The following THUMPD2 variants were observed in gnomAD, a reference collection of about 807,000 sequenced individuals.
THUMPD2 encodes the protein U6 snRNA (guanine-N(2))-methyltransferase THUMPD2.
Under a neutral mutation model 49.4 loss-of-function variants are expected in THUMPD2, and 56 were observed. The observed-to-expected ratio is 1.13, with a 90% confidence interval of 0.91 to 1.41. THUMPD2 has a LOEUF of 1.41. Among genes scored for constraint, THUMPD2 ranks in the 40% most tolerant of loss-of-function variants. THUMPD2 has a pLI of 0.00. For missense variants in THUMPD2, 709 were observed against 594.5 expected (o/e 1.19, Z -2.00); for synonymous variants, 237 against 205.2 (o/e 1.15, Z -1.32).
intron 8 of THUMPD2, among the ~76,000 whole-genome samples, chr2:39,747,782 T>A (rs1674807568): frequency 6.6e-6 from 1 of 152,200 alleles, no homozygotes. Context: ...GCCTTCCAGT[T>A]CACAGTCCCT....
intron 1 of THUMPD2, among the ~76,000 whole-genome samples, chr2:39,772,039 A>C (rs1017720139): frequency 6.6e-6 from 1 of 152,198 alleles, no homozygotes; most frequent in African/African-American, 2.4e-5. Flanking sequence ...AATCCAGAAG[A>C]AAACTAAAAA....
chr2:39,773,970 A>G lies in THUMPD2; in HGVS notation c.127-2330T>C, dbSNP rs971014672. 2.6e-5 allele frequency among the ~76,000 whole-genome samples: 4 copies of G among 152,350 alleles called. No individual in the cohort carries two copies. The East Asian group carries it at 5.8e-4, about 22-fold the overall frequency. ...ATGATATTGATAAGAAAAAATACCA[A>G]TTCCCAGCCAGGGCTACTGTCTGGG... On this transcript the variant is annotated intron_variant, in intron 1 of 9. Transcript: ENST00000505747.
chr2:39,756,272 C>T (rs1346889317), intron 6 of THUMPD2, among the ~76,000 whole-genome samples: 1 of 151,942 alleles, frequency 6.6e-6, no homozygotes, highest in Admixed American at 6.6e-5. Flanking sequence ...GACAATAAGG[C>T]AGAGTATGTG....
rs764626885 is a variant in THUMPD2, at chr2:39,755,308, T to C, written c.1065A>G (p.Lys355=). 7.1e-6 allele frequency: 11 copies of C among 1,544,402 alleles called. No individual in the cohort carries two copies. In the Admixed American group the frequency reaches 2.4e-4, roughly 34 times the overall value. Residue 355 remains lysine (K), a synonymous_variant, in exon 8 of 10, where the codon AAA becomes AAG. Transcript: ENST00000505747. The part of the protein sequence containing the change: ...AGLEDKIELL[K]ISVIELPLPS... ...TTAGTATCTTACCTATAACAGAGATTTTAAGTAATTCAATTTTATCCTCAA... is the reference window on the plus strand; with the variant it reads ...TTAGTATCTTACCTATAACAGAGATCTTAAGTAATTCAATTTTATCCTCAA...
chr2:39,745,961 G>C (rs1240465227), intron 8 of THUMPD2, among the ~76,000 whole-genome samples: 1 of 151,992 alleles, frequency 6.6e-6, no homozygotes, highest in African/African-American at 2.4e-5. Context: ...CTAACTGTGG[G>C]ACTTTGGGAA....
chr2:39,771,758 T>A, intron 1 of THUMPD2, 118 bp from the exon 2 acceptor site: 1 of 1,068,924 alleles, frequency 9.4e-7, no homozygotes, highest in Non-Finnish European at 1.3e-6. Context: ...AAGTATCTAC[T>A]ATTTGTCAGG....
Position 39,779,172 on chromosome 2 carries a change from C to G in THUMPD2, c.68G>C (p.Gly23Ala). The part of the protein sequence containing the change: ...EAGARFFCTA[G>A]RGLEPFVMRE... ...CATTACGAACGGCTCCAGGCCGCGACCCGCAGTGCAGAAGAATCGGGCGCC... is the reference window on the plus strand; with the variant it reads ...CATTACGAACGGCTCCAGGCCGCGAGCCGCAGTGCAGAAGAATCGGGCGCC... The change falls in exon 1 of 10, where the codon GGT becomes GCT. Residue 23 changes from glycine to alanine, a missense_variant. By Grantham distance (60) the Gly-to-Ala change is moderately conservative. Transcript: ENST00000505747. The G allele has an allele frequency of 2.0e-6, 3 of 1,520,996 alleles. No homozygotes were observed. In the South Asian group the frequency reaches 3.7e-5, roughly 19 times the overall value. 94.2% of individuals were successfully genotyped at this position (1,520,996 alleles called of 1,614,324 possible). A position where few individuals can be genotyped will look rare whatever the true frequency, so the allele number is the denominator to read the frequency against.
At chr2:39,779,263 C>T (rs1679552598), upstream of THUMPD2, 1 of 1,432,966 alleles carries the variant, frequency 7.0e-7, no homozygotes, top group Non-Finnish European at 9.1e-7. Flanking sequence ...CGCCCTCGCG[C>T]CTTCGGGTCA....
chr2:39,773,554 TAAAAATATATATATATTTATATTTTAA>T (rs1558542638), intron 1 of THUMPD2, among the ~76,000 whole-genome samples: 7 of 39,980 alleles, frequency 1.8e-4, no homozygotes, highest in African/African-American at 1.0e-3. Context: ...TATTTATATT[TAAAAATATATATATATTTATATTTTAA>T]AAATATATAT....
rs759729691 is a variant in THUMPD2, at chr2:39,764,599, T to C, written c.803+1458A>G. On this transcript the variant is annotated intron_variant, in intron 5 of 9. Transcript: ENST00000505747. ...ATTTTTATGTGATCCTTTAACTTCA[T>C]GGTGCTCTCTACTTTGTTTCATCAT... Among the ~76,000 whole-genome samples, 12 of 152,372 alleles carry C rather than the reference T, an allele frequency of 7.9e-5. No homozygotes were observed. The East Asian group carries it at 1.5e-3, about 20-fold the overall frequency.
chr2:39,743,368 G>A (rs1008316067), intron 9 of THUMPD2, among the ~76,000 whole-genome samples: 1 of 152,118 alleles, frequency 6.6e-6, no homozygotes, highest in African/African-American at 2.4e-5. Context: ...ATCTCTCAAA[G>A]GAATGCTTCC....
At chr2:39,769,097 T>A (rs1192803727) in intron 3 of THUMPD2, 1 of 1,303,856 alleles carries the variant, frequency 7.7e-7, no homozygotes, top group East Asian at 5.6e-5. Context: ...ACAGGACCTG[T>A]GCAGAGTAGC....
intron 4 of THUMPD2, 100 bp downstream of exon 4, chr2:39,768,324 T>C (rs1677829433): frequency 2.0e-6 from 2 of 1,012,300 alleles, no homozygotes; most frequent in African/African-American, 1.6e-5. Flanking sequence ...ATACACTTTT[T>C]ATAACTGTAA....
chr2:39,740,971 T>G (rs1203831363), intron 9 of THUMPD2, among the ~76,000 whole-genome samples: 2 of 152,162 alleles, frequency 1.3e-5, no homozygotes, highest in African/African-American at 4.8e-5. Context: ...CCCAGCATCT[T>G]GAGTTGCTGA....
intron 9 of THUMPD2, among the ~76,000 whole-genome samples, chr2:39,744,021 G>C (rs1361611435): frequency 6.7e-6 from 1 of 149,180 alleles, no homozygotes; most frequent in Non-Finnish European, 1.5e-5. Context: ...TAAGTGTGGG[G>C]GATTAACACA....
At chr2:39,742,559 A>C (rs1395291301) in intron 9 of THUMPD2, among the ~76,000 whole-genome samples, 1 of 152,166 alleles carries the variant, frequency 6.6e-6, no homozygotes, top group Non-Finnish European at 1.5e-5. Flanking sequence ...GCAGCATTAG[A>C]TTTTCAGTTA....
At position 39,761,328 on chromosome 2, in the gene THUMPD2, T is replaced by C. The variant is rs1168713985; in HGVS notation, c.891+3A>G. On this transcript the variant is annotated splice_donor_region_variant and intron_variant, in intron 6 of 9. Coordinates refer to ENST00000505747, the MANE Select transcript of THUMPD2 (RefSeq NM_025264.5). ...TTAACAGGAAGGAAAACATTTTTCT[T>C]ACCTTAATGTCAGCCAGAGATGCCA... is the stretch of plus-strand genomic sequence containing the variant. The C allele has an allele frequency of 1.4e-5, 23 of 1,613,470 alleles. No homozygotes were observed. The highest frequency in any genetic ancestry group is 1.9e-5 in the Non-Finnish European group (23 of 1,179,620).
chr2:39,766,812 C>G (rs12712656), intron 4 of THUMPD2, among the ~76,000 whole-genome samples: 65,070 of 152,024 alleles, frequency 0.43, 15,387 homozygotes, highest in East Asian at 0.82. Flanking sequence ...CAGAATTATT[C>G]CAATATTGAT....
intron 5 of THUMPD2, among the ~76,000 whole-genome samples, chr2:39,761,801 T>C (rs189393514): frequency 5.3e-5 from 8 of 152,312 alleles, no homozygotes; most frequent in Admixed American, 3.9e-4. Flanking sequence ...ATAAATGTAG[T>C]ATGGGAAGTA....
Sources: gnomAD v4.1 joint callset for allele counts (sites outside exome capture counted in the v4.1 genomes callset) on GRCh38, gnomAD v4.1.1 for gene constraint, MANE v1.5 for transcripts, NCBI Gene and HGNC (gene_info 2026-07-23, HGNC 2026-07-21) for gene names.